Variants in ROBO2 observed in about 807,000 individuals in gnomAD.
ROBO2 encodes the protein roundabout guidance receptor 2, also known as roundabout homolog 2.
ROBO2 carries 53 observed loss-of-function variants against 160.8 expected under a neutral mutation model. That is an observed-to-expected ratio of 0.33 (90% CI 0.26 to 0.41). The LOEUF (loss-of-function observed/expected upper bound fraction) is 0.41. Ranked by LOEUF, ROBO2 falls within the 10% of genes least tolerant of loss-of-function variation. ROBO2 has a pLI of 1.00. For missense variants in ROBO2, 1,577 were observed against 1,722.4 expected (o/e 0.92, Z 1.49); for synonymous variants, 664 against 611.7 (o/e 1.09, Z -1.26).
chr3:77,617,603 G>A (rs202001765), exon 22 of ROBO2: 12 of 1,614,072 alleles, frequency 7.4e-6, no homozygotes, highest in East Asian at 2.2e-5. Flanking sequence ...ATGATGATAG[G>A]GTCCCAACAC....
At chr3:75,980,028 A>G (rs998994824) in intron 2 of ROBO2, among the ~76,000 whole-genome samples, 3 of 151,626 alleles carry the variant, frequency 2.0e-5, no homozygotes, top group Non-Finnish European at 4.4e-5. Flanking sequence ...TTTTCAAGTT[A>G]TATAAACTTG....
At chr3:76,422,105 C>T (rs17014151) in intron 2 of ROBO2, among the ~76,000 whole-genome samples, 1,816 of 152,244 alleles carry the variant, frequency 0.012, 39 homozygotes, top group South Asian at 0.067. Context: ...CATTCCACTT[C>T]GGTGTGATGA....
At chr3:76,753,687 C>T (rs2060808246) in intron 2 of ROBO2, among the ~76,000 whole-genome samples, 1 of 151,824 alleles carries the variant, frequency 6.6e-6, no homozygotes, top group African/African-American at 2.4e-5. Flanking sequence ...GAGACCATTG[C>T]TATTTAAAAA....
intron 2 of ROBO2, among the ~76,000 whole-genome samples, chr3:77,471,550 T>C (rs2083348475): frequency 6.6e-6 from 1 of 152,198 alleles, no homozygotes; most frequent in South Asian, 2.1e-4. Context: ...CATGGCACCG[T>C]GCATGATCAG....
At chr3:77,122,712 T>C (rs1219726767) in intron 2 of ROBO2, among the ~76,000 whole-genome samples, 1 of 152,150 alleles carries the variant, frequency 6.6e-6, no homozygotes, top group African/African-American at 2.4e-5. Context: ...CTCAGATCTG[T>C]TCCACATGTG....
At chr3:76,605,847 G>A (rs2087608562) in intron 2 of ROBO2, among the ~76,000 whole-genome samples, 1 of 152,062 alleles carries the variant, frequency 6.6e-6, no homozygotes, top group Admixed American at 6.6e-5. Context: ...ATACACTTTG[G>A]AAGATTTACT....
exon 26 of ROBO2, chr3:77,646,202 T>C: frequency 2.0e-6 from 1 of 494,782 alleles, no homozygotes; most frequent in Non-Finnish European, 3.6e-6. Flanking sequence ...CAGCCACACA[T>C]ATCCCACAGA....
chr3:77,616,190 G>C (rs917804439), intron 21 of ROBO2, among the ~76,000 whole-genome samples: 2 of 152,170 alleles, frequency 1.3e-5, no homozygotes, highest in African/African-American at 4.8e-5. Context: ...GACGTTTGAA[G>C]TGACTGGTTG....
At chr3:76,419,890 A>G (rs2075918113) in intron 2 of ROBO2, among the ~76,000 whole-genome samples, 1 of 152,166 alleles carries the variant, frequency 6.6e-6, no homozygotes, top group Admixed American at 6.6e-5. Context: ...TTTTAGTAAT[A>G]GTGATATATC....
intron 2 of ROBO2, among the ~76,000 whole-genome samples, chr3:76,391,273 C>A (rs1008769987): frequency 2.0e-4 from 30 of 152,120 alleles, no homozygotes; most frequent in African/African-American, 7.0e-4. Flanking sequence ...TGATTAACAG[C>A]TGCTTATCGT....
chr3:77,168,421 T>C (rs2079305099), intron 2 of ROBO2, among the ~76,000 whole-genome samples: 1 of 152,216 alleles, frequency 6.6e-6, no homozygotes, highest in Admixed American at 6.5e-5. Context: ...ATTTGTCAAG[T>C]TATTCTTTGA....
intron 2 of ROBO2, among the ~76,000 whole-genome samples, chr3:76,216,580 T>G (rs1703547241): frequency 6.6e-6 from 1 of 152,166 alleles, no homozygotes; most frequent in African/African-American, 2.4e-5. Flanking sequence ...TACGTAATGG[T>G]AAAGGGATCA....
At chr3:76,327,067 T>A (rs1322187122) in intron 2 of ROBO2, among the ~76,000 whole-genome samples, 1 of 152,096 alleles carries the variant, frequency 6.6e-6, no homozygotes, top group Non-Finnish European at 1.5e-5. Context: ...TGGCAAAGTT[T>A]CTAGAAGAAG....
chr3:77,225,358 T>G (rs1396585491), intron 2 of ROBO2, among the ~76,000 whole-genome samples: 2 of 151,964 alleles, frequency 1.3e-5, no homozygotes, highest in African/African-American at 4.8e-5. Context: ...TAATAGATTC[T>G]AATTCCGTCA....
chr3:76,569,875 A>C (rs1206650043), intron 2 of ROBO2, among the ~76,000 whole-genome samples: 1 of 152,196 alleles, frequency 6.6e-6, no homozygotes, highest in Non-Finnish European at 1.5e-5. Context: ...CTGTAATCCC[A>C]GCACTTTGAG....
intron 2 of ROBO2, among the ~76,000 whole-genome samples, chr3:76,032,907 A>G (rs551589023): frequency 2.0e-5 from 3 of 152,306 alleles, no homozygotes; most frequent in South Asian, 4.1e-4. Flanking sequence ...GTTAGTTTCA[A>G]TTGGATATTA....
chr3:76,259,826 G>C (rs1218279707), intron 2 of ROBO2, among the ~76,000 whole-genome samples: 1 of 152,104 alleles, frequency 6.6e-6, no homozygotes, highest in Non-Finnish European at 1.5e-5. Flanking sequence ...GAGTGAACAG[G>C]AAGCTTATGC....
chr3:76,742,938 A>G (rs1192629901), intron 2 of ROBO2, among the ~76,000 whole-genome samples: 1 of 152,058 alleles, frequency 6.6e-6, no homozygotes, highest in Non-Finnish European at 1.5e-5. Flanking sequence ...CTCTATGGCC[A>G]ACAGTGTTAT....
At chr3:77,441,493 A>T (rs1412497083) in intron 2 of ROBO2, among the ~76,000 whole-genome samples, 2 of 152,168 alleles carry the variant, frequency 1.3e-5, no homozygotes, top group African/African-American at 4.8e-5. Flanking sequence ...TTGTTATAAA[A>T]CGTTACTTAA....
Sources: allele counts gnomAD v4.1 joint callset (sites outside exome capture counted in the v4.1 genomes callset), GRCh38; gene constraint gnomAD v4.1.1; transcripts MANE v1.5; gene names NCBI Gene and HGNC (gene_info 2026-07-23, HGNC 2026-07-21).